The following COL23A1 variants were observed in gnomAD, a reference collection of about 807,000 sequenced individuals.
COL23A1 encodes collagen alpha-1(XXIII) chain.
COL23A1 carries 97 observed loss-of-function variants against 99.3 expected under a neutral mutation model. That is an observed-to-expected ratio of 0.98 (90% confidence interval 0.83 to 1.16). COL23A1 has a LOEUF of 1.16. COL23A1 is among the 50% of genes most tolerant of loss of function. COL23A1 has a pLI of 0.00. For missense variants in COL23A1, 762 were observed against 757.4 expected (o/e 1.01, Z -0.07); for synonymous variants, 320 against 308.2 (o/e 1.04, Z -0.40).
At chr5:178,409,372 T>G (rs1188979137) in intron 2 of COL23A1, among the ~76,000 whole-genome samples, 1 of 152,220 alleles carries the variant, frequency 6.6e-6, no homozygotes, top group Non-Finnish European at 1.5e-5. Context: ...ATGTAAAGCT[T>G]TCTTAAAATG....
intron 5 of COL23A1, among the ~76,000 whole-genome samples, chr5:178,278,060 G>A (rs1277673567): frequency 6.6e-6 from 1 of 152,206 alleles, no homozygotes; most frequent in Non-Finnish European, 1.5e-5. Flanking sequence ...TGGATGGGGT[G>A]GAAATCCAGA....
chr5:178,258,381 G>A (rs1368164153), intron 12 of COL23A1, among the ~76,000 whole-genome samples: 1 of 145,274 alleles, frequency 6.9e-6, no homozygotes, highest in Non-Finnish European at 1.5e-5. Flanking sequence ...AGGTCTCCTG[G>A]AAGATGGGAG....
chr5:178,319,410 A>T (rs552458317), intron 2 of COL23A1, among the ~76,000 whole-genome samples: 22 of 151,516 alleles, frequency 1.5e-4, no homozygotes, highest in Non-Finnish European at 2.8e-4. Context: ...TTTTTTTTTT[A>T]AACTTAAAAG....
At chr5:178,585,435 A>AGTAACACTCCACGTCCCTGGTTGATG (rs1763895803) in intron 1 of COL23A1, among the ~76,000 whole-genome samples, 1 of 62,450 alleles carries the variant, frequency 1.6e-5, no homozygotes, top group Admixed American at 1.5e-4. Context: ...CCTGGTTGAC[A>AGTAACACTCCACGTCCCTGGTTGATG]CTGGGGTAAC....
At chr5:178,514,012 C>T (rs1043152975) in intron 2 of COL23A1, among the ~76,000 whole-genome samples, 1 of 152,172 alleles carries the variant, frequency 6.6e-6, no homozygotes, top group African/African-American at 2.4e-5. Context: ...ACCCACAGAA[C>T]TTCTTCATGT....
In COL23A1 at chr5:178,572,445, A is replaced by AC. The variant is rs199835079; in HGVS notation, c.295-11698_295-11697insG. On this transcript the variant is annotated intron_variant, in intron 1 of 28. Coordinates refer to ENST00000390654, the MANE Select transcript of COL23A1 (RefSeq NM_173465.4). ...ATCACAATGAAACCCAAGCACACAC[A>AC]AAAAAAAATCAAGAAAACGACACCA... Among the ~76,000 whole-genome samples the AC allele has an allele frequency of 6.8e-3, 952 of 139,004 alleles. 7 individuals are homozygous for AC. Among genetic ancestry groups the AC allele is most frequent in the Non-Finnish European group, 9.7e-3 (573 of 59,102 alleles). The allele number at this position is 139,004 out of a possible 152,430, so 91.2% of individuals were successfully genotyped here. A position where few individuals can be genotyped will look rare whatever the true frequency, so the allele number is the denominator to read the frequency against.
chr5:178,549,008 T>C (rs1761864438), intron 2 of COL23A1, among the ~76,000 whole-genome samples: 2 of 152,180 alleles, frequency 1.3e-5, no homozygotes, highest in South Asian at 4.2e-4. Context: ...ATACTTCTTT[T>C]TTTTTGAGAT....
chr5:178,288,186 A>C, intron 5 of COL23A1, 138 bp downstream of exon 5: 1 of 846,146 alleles, frequency 1.2e-6, no homozygotes, highest in South Asian at 1.3e-5. Flanking sequence ...GCTCACGCTA[A>C]TCGCCTCCAC....
intron 3 of COL23A1, among the ~76,000 whole-genome samples, chr5:178,304,914 G>A (rs894758269): frequency 3.3e-5 from 5 of 152,184 alleles, no homozygotes; most frequent in Non-Finnish European, 7.3e-5. Flanking sequence ...ACGGGGCCAC[G>A]GACCCAGTGA....
chr5:178,481,808 G>A (rs1296839112), intron 2 of COL23A1, among the ~76,000 whole-genome samples: 1 of 147,290 alleles, frequency 6.8e-6, no homozygotes, highest in Non-Finnish European at 1.5e-5. Context: ...TCAGTCATAG[G>A]TGGGAATTGA....
At position 178,489,621 on chromosome 5, in the gene COL23A1, G is replaced by A. The variant is rs191584531; in HGVS notation, c.361+71061C>T. Among the ~76,000 whole-genome samples, 18 of 152,268 alleles carry A rather than the reference G, an allele frequency of 1.2e-4. 1 individual carries two copies. The East Asian group carries it at 1.6e-3, about 13-fold the overall frequency. On this transcript the variant is annotated intron_variant, in intron 2 of 28. Coordinates refer to ENST00000390654, the MANE Select transcript of COL23A1 (RefSeq NM_173465.4). ...GGGGAGAGGCAGGAATAAAGGCTGC[G>A]GACTGTCAAAGATACCCAGAGAGGG...
At chr5:178,585,316 G>A (rs969543654) in intron 1 of COL23A1, among the ~76,000 whole-genome samples, 31 of 151,638 alleles carry the variant, frequency 2.0e-4, no homozygotes, top group Non-Finnish European at 3.5e-4. Flanking sequence ...GCTGACCCTG[G>A]GGTAACACTT....
At chr5:178,497,945 C>A (rs980311589) in intron 2 of COL23A1, among the ~76,000 whole-genome samples, 2 of 151,294 alleles carry the variant, frequency 1.3e-5, no homozygotes, top group African/African-American at 4.9e-5. Flanking sequence ...TTCCTATGAC[C>A]AAGTTGAAGA....
intron 4 of COL23A1, chr5:178,288,655 C>T (rs1220852380): frequency 1.9e-6 from 1 of 523,890 alleles, no homozygotes; most frequent in East Asian, 3.2e-5. Context: ...ACGTGGGGTT[C>T]TGGAGGGTGC....
In COL23A1 at chr5:178,543,636, G is replaced by A. The variant is rs576965819; in HGVS notation, c.361+17046C>T. ...CTCCACCTTTGGTGTTGTGGGTGGC[G>A]GAGGCAGATACCAGTACACCTGGGC... On this transcript the variant is annotated intron_variant, in intron 2 of 28. Transcript: ENST00000390654. Among the ~76,000 whole-genome samples the A allele has an allele frequency of 3.9e-5, 6 of 152,204 alleles. No homozygotes were observed. The East Asian group carries it at 5.8e-4, about 15-fold the overall frequency.
Position 178,340,748 on chromosome 5 carries a change from G to A in COL23A1, c.362-33829C>T, listed in dbSNP as rs1377742156. 6.6e-6 allele frequency among the ~76,000 whole-genome samples: 1 copy of A among 152,242 alleles called. No homozygotes were observed. The highest frequency in any genetic ancestry group is 1.5e-5 in the Non-Finnish European group (1 of 68,028). ...AGTGAGGGAGTCTCACCGGAATGGA[G>A]GTGGGCGGGAATGGAGGTGGCCGGG... On this transcript the variant is annotated intron_variant, in intron 2 of 28. Coordinates refer to ENST00000390654, the MANE Select transcript of COL23A1 (RefSeq NM_173465.4). This position sits in a 1 kb window ranked among gnomAD's most constrained non-coding sequence, Gnocchi z 4.7.
At chr5:178,357,849 ATG>A (rs2127691515) in intron 2 of COL23A1, among the ~76,000 whole-genome samples, 1 of 139,648 alleles carries the variant, frequency 7.2e-6, no homozygotes, top group African/African-American at 2.7e-5. Context: ...TGTATGTCTA[ATG>A]TGTATGTGTA....
rs1759303576 is a variant in COL23A1, at chr5:178,513,127, ACCT to A, written c.361+47552_361+47554del. On this transcript the variant is annotated intron_variant, in intron 2 of 28. Transcript: ENST00000390654. Reference sequence around the variant, plus strand: ...GCTGGATGTTCCTGAGCACCTGACCACCTCATTCCAGAGGGCGCAGACCTGGGA... The same window carrying A: ...GCTGGATGTTCCTGAGCACCTGACCACATTCCAGAGGGCGCAGACCTGGGA... 5.3e-5 allele frequency among the ~76,000 whole-genome samples: 8 copies of A among 151,542 alleles called. 1 individual carries two copies. The South Asian group carries it at 1.7e-3, about 31-fold the overall frequency.
rs376646665 is a variant in COL23A1, at chr5:178,303,431, CT to C, written c.406+3443del. On this transcript the variant is annotated intron_variant, in intron 3 of 28. Transcript: ENST00000390654. ...CATTTCTTGGGCTGTGGCAAAACTT[CT>C]GTTCATTTCCAGAGTTCTGAAAAGG... 1.4e-4 allele frequency among the ~76,000 whole-genome samples: 22 copies of C among 152,318 alleles called. No homozygotes were observed. The East Asian group carries it at 3.5e-3, about 24-fold the overall frequency.
Sources: gnomAD v4.1 joint callset for allele counts (sites outside exome capture counted in the v4.1 genomes callset) on GRCh38, gnomAD v4.1.1 for gene constraint, Gnocchi (gnomAD v3.1) non-coding constraint, MANE v1.5 for transcripts, NCBI Gene and HGNC (gene_info 2026-07-23, HGNC 2026-07-21) for gene names.